The following PDE1C variants were observed in gnomAD, a reference collection of about 807,000 sequenced individuals.
PDE1C encodes dual specificity calcium/calmodulin-dependent 3',5'-cyclic nucleotide phosphodiesterase 1C.
Under a neutral mutation model 93.1 loss-of-function variants are expected in PDE1C, and 62 were observed. The observed-to-expected ratio is 0.67, with a 90% CI of 0.54 to 0.82. The LOEUF is 0.82. PDE1C is among the 40% of genes least tolerant of loss of function. The pLI is 0.00. For missense variants in PDE1C, 742 were observed against 884.6 expected, an observed-to-expected ratio of 0.84 and a Z score of 2.04; for synonymous variants, 325 against 310.1, an observed-to-expected ratio of 1.05 and a Z score of -0.50.
chr7:32,336,219 C>T (rs1004399032), intron 1 of PDE1C, among the ~76,000 whole-genome samples: 1 of 152,062 alleles, frequency 6.6e-6, no homozygotes, highest in African/African-American at 2.4e-5. Flanking sequence ...GGGTGGAGTT[C>T]CATTTTTTTC....
intron 1 of PDE1C, among the ~76,000 whole-genome samples, chr7:32,424,691 A>T (rs542053720): frequency 9.2e-5 from 14 of 152,134 alleles, no homozygotes; most frequent in Non-Finnish European, 8.8e-5. Context: ...GCATGCCTGT[A>T]GTTCCAGCTA....
rs1245152645 is a variant in PDE1C, at chr7:32,204,737, T to TGAG, written c.136+4751_136+4752insCTC. On this transcript the variant is annotated intron_variant, in intron 2 of 18. Coordinates refer to the PDE1C transcript ENST00000396193. ...TTACCTATTATCCCCATTCAGACCCTCAAGCCTCAGCTAATGCTCACTTTC... is the reference window on the plus strand; with the variant it reads ...TTACCTATTATCCCCATTCAGACCCTGAGCAAGCCTCAGCTAATGCTCACTTTC... Among the ~76,000 whole-genome samples, 5 of 152,324 alleles carry TGAG rather than the reference T, an allele frequency of 3.3e-5. No homozygotes were observed. The East Asian group carries it at 7.7e-4, about 24-fold the overall frequency.
At position 31,922,086 on chromosome 7, in the gene PDE1C, T is replaced by A. The variant is rs918798474; in HGVS notation, c.129-41226A>T. ...CAAAACTCACCTCTTAAACTCTTTATTATACTATCTCTGTAAGCTTATGAA... is the reference window on the plus strand; with the variant it reads ...CAAAACTCACCTCTTAAACTCTTTAATATACTATCTCTGTAAGCTTATGAA... On this transcript the variant is annotated intron_variant, in intron 2 of 17. Coordinates refer to ENST00000396191, the MANE Select transcript of PDE1C (RefSeq NM_001191057.4). 4.6e-5 allele frequency among the ~76,000 whole-genome samples: 7 copies of A among 152,324 alleles called. No individual in the cohort carries two copies. The South Asian group carries it at 8.3e-4, about 18-fold the overall frequency.
chr7:31,688,261 A>G, the PDE1C span, among the ~76,000 whole-genome samples: 1 of 152,248 alleles, frequency 6.6e-6, no homozygotes, highest in Admixed American at 6.5e-5. Context: ...TTGAGAGAAC[A>G]GATAACTGTC....
At chr7:31,806,847 G>A (rs977222684) in intron 16 of PDE1C, among the ~76,000 whole-genome samples, 9 of 151,852 alleles carry the variant, frequency 5.9e-5, no homozygotes, top group African/African-American at 2.2e-4. Flanking sequence ...CTCATTACCT[G>A]ACATAATAGG....
the PDE1C span, among the ~76,000 whole-genome samples, chr7:31,660,657 C>CA: frequency 6.6e-6 from 1 of 152,048 alleles, no homozygotes; most frequent in Non-Finnish European, 1.5e-5. Context: ...TCTTATTTGT[C>CA]AGCCCTTATT....
intron 1 of PDE1C, among the ~76,000 whole-genome samples, chr7:32,416,483 T>C (rs1785279291): frequency 6.6e-6 from 1 of 152,224 alleles, no homozygotes; most frequent in Non-Finnish European, 1.5e-5. Flanking sequence ...TCGAGACATT[T>C]TGATGGCCAT....
chr7:32,389,186 G>T (rs1585138294), intron 1 of PDE1C, among the ~76,000 whole-genome samples: 4 of 138,956 alleles, frequency 2.9e-5, no homozygotes, highest in East Asian at 4.2e-4. Context: ...GTGTGTGTGT[G>T]TGTGGTTTTT....
chr7:32,399,832 T>TC (rs2128095197), intron 1 of PDE1C, among the ~76,000 whole-genome samples: 1 of 151,836 alleles, frequency 6.6e-6, no homozygotes, highest in East Asian at 1.9e-4. Context: ...AATCCTCCCA[T>TC]TTCGGCCTCT....
At chr7:31,855,887 C>T (rs1036036139) in intron 7 of PDE1C, among the ~76,000 whole-genome samples, 1 of 149,950 alleles carries the variant, frequency 6.7e-6, no homozygotes, top group Non-Finnish European at 1.5e-5. Flanking sequence ...AGTTTGAAAT[C>T]TTTTCACCTA....
intron 1 of PDE1C, among the ~76,000 whole-genome samples, chr7:32,396,075 T>C (rs973604900): frequency 7.2e-5 from 11 of 152,048 alleles, no homozygotes; most frequent in Non-Finnish European, 1.6e-4. Flanking sequence ...GATACTAAAG[T>C]TTATATGGCA....
the PDE1C span, among the ~76,000 whole-genome samples, chr7:31,742,139 G>A: frequency 6.6e-6 from 1 of 152,140 alleles, no homozygotes; most frequent in African/African-American, 2.4e-5. Context: ...GAATGAGACT[G>A]GTACACATTT....
chr7:32,156,387 G>A (rs1225537708), intron 3 of PDE1C, among the ~76,000 whole-genome samples: 1 of 152,088 alleles, frequency 6.6e-6, no homozygotes. Context: ...TCAGATTAGG[G>A]GACTCCACAA....
intron 1 of PDE1C, among the ~76,000 whole-genome samples, chr7:32,359,007 T>G (rs1784083705): frequency 6.6e-6 from 1 of 152,110 alleles, no homozygotes; most frequent in Non-Finnish European, 1.5e-5. Flanking sequence ...TTGCTGGGCC[T>G]GCATCGAATC....
rs756071796 is a variant in PDE1C, at chr7:31,916,774, A to G, written c.129-35914T>C. 1.1e-4 allele frequency among the ~76,000 whole-genome samples: 17 copies of G among 152,176 alleles called. 1 individual carries two copies. Among genetic ancestry groups the G allele is most frequent in the Non-Finnish European group, 2.1e-4 (14 of 68,028 alleles). ...AAATACTAGTTTATATTAAATTATG[A>G]TAAGTGTGAAGCATAATATTGAGGG... On this transcript the variant is annotated intron_variant, in intron 2 of 17. Coordinates refer to ENST00000396191, the MANE Select transcript of PDE1C (RefSeq NM_001191057.4).
the PDE1C span, among the ~76,000 whole-genome samples, chr7:31,685,417 C>T: frequency 2.9e-3 from 436 of 152,276 alleles, 1 homozygote; most frequent in African/African-American, 9.9e-3. Flanking sequence ...TAACTGCTTA[C>T]GTATAGGAGA....
chr7:31,747,062 A>G (rs946795072), downstream of PDE1C, among the ~76,000 whole-genome samples: 1 of 152,184 alleles, frequency 6.6e-6, no homozygotes, highest in African/African-American at 2.4e-5. Context: ...GAAACTCACA[A>G]TCCTGAGTGT....
chr7:32,082,587 A>T (rs1015098750), intron 3 of PDE1C, among the ~76,000 whole-genome samples: 5 of 152,186 alleles, frequency 3.3e-5, no homozygotes, highest in African/African-American at 1.2e-4. Context: ...GAGCAGCCTA[A>T]CTGGGAGGCA....
At chr7:32,379,111 C>T (rs1488573347) in intron 1 of PDE1C, among the ~76,000 whole-genome samples, 2 of 152,216 alleles carry the variant, frequency 1.3e-5, no homozygotes, top group Non-Finnish European at 2.9e-5. Flanking sequence ...TCAGTTCCAG[C>T]TCCACTGAAA....
Sources: gnomAD v4.1 joint callset for allele counts (sites outside exome capture counted in the v4.1 genomes callset) on GRCh38, gnomAD v4.1.1 for gene constraint, MANE v1.5 for transcripts, NCBI Gene and HGNC (gene_info 2026-07-23, HGNC 2026-07-21) for gene names.